The following TEX9 variants were observed in gnomAD, a reference collection of about 807,000 sequenced individuals.
TEX9 encodes the protein testis expressed 9, also known as testis-expressed protein 9.
TEX9 carries 74 observed loss-of-function variants against 59.6 expected under a neutral mutation model. The ratio of observed to expected loss-of-function variants is 1.24; its 90% confidence interval spans 1.03 to 1.51. The LOEUF (loss-of-function observed/expected upper bound fraction) is 1.51, where lower values mean the gene tolerates loss of function less well. Among genes scored for constraint, TEX9 ranks in the 40% most tolerant of loss-of-function variants. The pLI, the probability that TEX9 is intolerant of heterozygous loss-of-function variation, is 0.00. For synonymous variants in TEX9, 186 were observed against 152.2 expected (o/e 1.22, Z -1.64); for missense variants, 522 against 447.8 (o/e 1.17, Z -1.49).
upstream of TEX9, among the ~76,000 whole-genome samples, chr15:56,365,085 G>A (rs540801094): frequency 1.2e-4 from 19 of 152,298 alleles, no homozygotes; most frequent in South Asian, 3.9e-3. Flanking sequence ...AAGCAAACGG[G>A]GTGAAGGTCG....
chr15:56,328,408 G>C (rs895055335), intron 1 of TEX9, among the ~76,000 whole-genome samples: 3 of 152,150 alleles, frequency 2.0e-5, no homozygotes, highest in Non-Finnish European at 2.9e-5. Context: ...TGGTGATAAA[G>C]TAAAGGGGAT....
intron 1 of TEX9, among the ~76,000 whole-genome samples, chr15:56,350,642 A>G (rs1283863731): frequency 2.0e-5 from 3 of 152,186 alleles, no homozygotes; most frequent in African/African-American, 7.2e-5. Context: ...AGTTTCAACC[A>G]TTAGTTTCAT....
intron 10 of TEX9, among the ~76,000 whole-genome samples, chr15:56,422,437 C>A (rs1413364929): frequency 6.6e-6 from 1 of 151,286 alleles, no homozygotes; most frequent in African/African-American, 2.4e-5. Flanking sequence ...TTTAAAGATT[C>A]CATTTTATCT....
At chr15:56,384,949 T>C (rs2047895422) in intron 4 of TEX9, among the ~76,000 whole-genome samples, 1 of 151,936 alleles carries the variant, frequency 6.6e-6, no homozygotes, top group African/African-American at 2.4e-5. Flanking sequence ...TCACAAAGAT[T>C]TACGACCATG....
intron 9 of TEX9, among the ~76,000 whole-genome samples, chr15:56,401,340 T>C (rs1689952629): frequency 1.5e-5 from 2 of 136,764 alleles, no homozygotes; most frequent in African/African-American, 5.5e-5. Flanking sequence ...AAACAGGGGT[T>C]GCAATCCTAG....
intron 11 of TEX9, 77 bp downstream of exon 11, chr15:56,427,816 G>GGTATGTTTTTGACATCT: frequency 8.3e-7 from 1 of 1,203,686 alleles, no homozygotes. Flanking sequence ...TTTCACTTTA[G>GGTATGTTTTTGACATCT]GTATGTTTTT....
At chr15:56,252,682 C>T (rs1230533161) in intron 1 of TEX9, among the ~76,000 whole-genome samples, 2 of 151,922 alleles carry the variant, frequency 1.3e-5, no homozygotes, top group African/African-American at 4.8e-5. Flanking sequence ...AGTTTCTTAT[C>T]TGAATTCAGA....
At chr15:56,385,989 C>G (rs2047943691) in intron 4 of TEX9, among the ~76,000 whole-genome samples, 2 of 152,114 alleles carry the variant, frequency 1.3e-5, no homozygotes, top group South Asian at 4.1e-4. Context: ...ACGAAAAAAC[C>G]TGCATGTGAA....
intron 1 of TEX9, among the ~76,000 whole-genome samples, chr15:56,333,489 A>AAC (rs3050165): frequency 1.3e-5 from 2 of 150,712 alleles, no homozygotes; most frequent in African/African-American, 2.4e-5. Context: ...AAAAAAAAAA[A>AAC]CCCTCAAAAA....
intron 4 of TEX9, 82 bp downstream of exon 4, chr15:56,384,113 A>G (rs2047859493): frequency 9.1e-7 from 1 of 1,099,262 alleles, no homozygotes; most frequent in South Asian, 1.5e-5. Flanking sequence ...GCATGCAAAC[A>G]TTGAAAAATC....
intron 9 of TEX9, among the ~76,000 whole-genome samples, chr15:56,406,649 AAGT>A (rs1459403578): frequency 6.6e-6 from 1 of 152,112 alleles, no homozygotes; most frequent in Non-Finnish European, 1.5e-5. Context: ...TCTAGAGGAG[AAGT>A]AGTAGTATCT....
chr15:56,320,753 A>T (rs2045883601), intron 1 of TEX9, among the ~76,000 whole-genome samples: 1 of 152,094 alleles, frequency 6.6e-6, no homozygotes, highest in African/African-American at 2.4e-5. Context: ...GAGAGTAAAA[A>T]ATGTGCTATG....
intron 10 of TEX9, among the ~76,000 whole-genome samples, chr15:56,420,508 A>G (rs2049931391): frequency 6.6e-6 from 1 of 151,684 alleles, no homozygotes. Context: ...GGGTTTCACC[A>G]TGTTGGCCAG....
exon 11 of TEX9, chr15:56,427,727 A>C: frequency 6.7e-7 from 1 of 1,487,616 alleles, no homozygotes; most frequent in Non-Finnish European, 9.0e-7. Context: ...TTGATGTTTT[A>C]AAAAGGCAAA....
At chr15:56,310,597 A>G (rs1436264558) in intron 1 of TEX9, among the ~76,000 whole-genome samples, 1 of 152,202 alleles carries the variant, frequency 6.6e-6, no homozygotes, top group Non-Finnish European at 1.5e-5. Context: ...TTGCTGGTCT[A>G]TTATGATCCC....
chr15:56,447,441 T>C (rs1397610613), downstream of TEX9: 1 of 152,200 alleles, frequency 6.6e-6, no homozygotes, highest in Admixed American at 6.5e-5. Flanking sequence ...TATATCCTTC[T>C]AATTATTTGG....
At chr15:56,263,045 A>G (rs2044302682) in intron 1 of TEX9, among the ~76,000 whole-genome samples, 1 of 151,928 alleles carries the variant, frequency 6.6e-6, no homozygotes. Context: ...GTTTTTTGAG[A>G]CGGAGTTTTG....
At chr15:56,454,123 G>A in the TEX9 span, among the ~76,000 whole-genome samples, 3 of 152,014 alleles carry the variant, frequency 2.0e-5, no homozygotes, top group Admixed American at 2.0e-4. Context: ...TCAACTGAAT[G>A]ACTTTTAGTT....
intron 9 of TEX9, among the ~76,000 whole-genome samples, chr15:56,401,588 A>G (rs1172773159): frequency 2.0e-5 from 3 of 152,192 alleles, no homozygotes; most frequent in Admixed American, 2.0e-4. Flanking sequence ...AATGAGACAG[A>G]AGGTTAACAA....
Sources: gnomAD v4.1 joint callset for allele counts (sites outside exome capture counted in the v4.1 genomes callset) on GRCh38, gnomAD v4.1.1 for gene constraint, MANE v1.5 for transcripts, NCBI Gene and HGNC (gene_info 2026-07-23, HGNC 2026-07-21) for gene names.